RSU1: variants seen among roughly 807,000 people sequenced by gnomAD.
RSU1 encodes rsu-1.
In RSU1, 26 loss-of-function variants were observed where a neutral mutation model predicts 31.1. The ratio of observed to expected loss-of-function variants is 0.84; its 90% CI spans 0.61 to 1.16. RSU1 has a LOEUF of 1.16. Among genes scored for constraint, RSU1 ranks in the 50% most tolerant of loss-of-function variants. The probability of loss-of-function intolerance (pLI) is 0.00; values close to 1 mark genes in which losing one functional copy is unlikely to be tolerated. For synonymous variants in RSU1, 164 were observed against 136.3 expected, an observed-to-expected ratio of 1.20 and a Z score of -1.41; for missense variants, 320 against 339.1, an observed-to-expected ratio of 0.94 and a Z score of 0.44.
At chr10:16,811,111 TAA>T (rs1206924452) in intron 2 of RSU1, among the ~76,000 whole-genome samples, 2 of 152,264 alleles carry the variant, frequency 1.3e-5, no homozygotes, top group East Asian at 3.9e-4. Context: ...TGTTTTTGTA[TAA>T]AGACACACAC....
At chr10:16,815,566 T>A (rs908843573) in intron 2 of RSU1, among the ~76,000 whole-genome samples, 9 of 152,204 alleles carry the variant, frequency 5.9e-5, no homozygotes, top group African/African-American at 2.2e-4. Context: ...ATTCCTCAAC[T>A]ATTTTTGAGC....
intron 8 of RSU1, among the ~76,000 whole-genome samples, chr10:16,610,828 C>T (rs1435507057): frequency 6.6e-6 from 1 of 152,076 alleles, no homozygotes; most frequent in Non-Finnish European, 1.5e-5. Context: ...GTGCCTGGTG[C>T]CAAAAAGGCT....
intron 7 of RSU1, among the ~76,000 whole-genome samples, chr10:16,740,531 G>C (rs551523680): frequency 6.6e-6 from 1 of 152,146 alleles, no homozygotes; most frequent in African/African-American, 2.4e-5. Context: ...AAGACATCCA[G>C]ATTGGAAAGG....
At chr10:16,609,021 T>C (rs1402728887) in intron 8 of RSU1, among the ~76,000 whole-genome samples, 2 of 151,778 alleles carry the variant, frequency 1.3e-5, no homozygotes, top group Non-Finnish European at 2.9e-5. Context: ...TTTGTAGAGA[T>C]AGGGCCTTGC....
chr10:16,707,005 T>A (rs1835919141), intron 7 of RSU1, among the ~76,000 whole-genome samples: 1 of 150,078 alleles, frequency 6.7e-6, no homozygotes, highest in African/African-American at 2.5e-5. Flanking sequence ...GTGTTATGTG[T>A]CTTTCTGTGT....
chr10:16,740,254 AAAAAT>A (rs1836724208), intron 7 of RSU1, among the ~76,000 whole-genome samples: 3 of 152,198 alleles, frequency 2.0e-5, no homozygotes, highest in Admixed American at 2.0e-4. Flanking sequence ...GGAAGATACA[AAAAAT>A]AAAAGCCACA....
chr10:16,722,293 A>C (rs200446622), intron 7 of RSU1, among the ~76,000 whole-genome samples: 1 of 152,186 alleles, frequency 6.6e-6, no homozygotes, highest in East Asian at 1.9e-4. Flanking sequence ...GGGTCTTGGA[A>C]CATATCCCAC....
Position 16,710,548 on chromosome 10 carries a change from T to C in RSU1, c.599-15393A>G, listed in dbSNP as rs115261693. The stretch of plus-strand genomic sequence containing the variant: ...AAATTTTACAAATACTCCCCACTTA[T>C]CAATTTTCTGGAATAGTTTGAGGAG... On this transcript the variant is annotated intron_variant, in intron 7 of 8. Transcript: ENST00000345264. Among the ~76,000 whole-genome samples the C allele has an allele frequency of 2.6e-3, 390 of 152,236 alleles. 1 individual carries two copies. Among genetic ancestry groups the C allele is most frequent in the African/African-American group, 9.0e-3 (374 of 41,510 alleles).
intron 8 of RSU1, among the ~76,000 whole-genome samples, chr10:16,599,173 A>G (rs1833672008): frequency 6.6e-6 from 1 of 152,218 alleles, no homozygotes; most frequent in Non-Finnish European, 1.5e-5. Context: ...GTGCCATTGA[A>G]AGACAACCTA....
intron 8 of RSU1, among the ~76,000 whole-genome samples, chr10:16,606,489 T>A (rs1270137318): frequency 6.6e-6 from 1 of 152,070 alleles, no homozygotes; most frequent in Non-Finnish European, 1.5e-5. Flanking sequence ...AGAATGAATT[T>A]TTATTATCAT....
At chr10:16,739,105 C>G (rs912388601) in intron 7 of RSU1, among the ~76,000 whole-genome samples, 5 of 152,120 alleles carry the variant, frequency 3.3e-5, no homozygotes, top group Non-Finnish European at 2.9e-5. Flanking sequence ...TTTATCCAGT[C>G]TATCATTGAT....
rs967591200 is a variant in RSU1 at position 16,610,627 on chromosome 10, A to G, written c.732-17131T>C. 3.3e-5 allele frequency among the ~76,000 whole-genome samples: 5 copies of G among 152,152 alleles called. No individual in the cohort carries two copies. In the East Asian group the frequency reaches 7.7e-4, roughly 23 times the overall value. Reference sequence around the variant, plus strand: ...CCATCACCCCCAGATGGGACTGTCTAGTTGCAGGAAAATAAGCTCAGGGCT... The same window carrying G: ...CCATCACCCCCAGATGGGACTGTCTGGTTGCAGGAAAATAAGCTCAGGGCT... On this transcript the variant is annotated intron_variant, in intron 8 of 8. Transcript: ENST00000345264.
chr10:16,603,345 C>G (rs1833745171), intron 8 of RSU1, among the ~76,000 whole-genome samples: 1 of 152,174 alleles, frequency 6.6e-6, no homozygotes, highest in Admixed American at 6.6e-5. Context: ...AATGAGGATT[C>G]TGGCAGAGCA....
chr10:16,800,443 G>A (rs1191058668), intron 2 of RSU1, among the ~76,000 whole-genome samples: 1 of 152,140 alleles, frequency 6.6e-6, no homozygotes, highest in African/African-American at 2.4e-5. Context: ...CAAAAATAAA[G>A]AGCGCCTCTG....
intron 8 of RSU1, among the ~76,000 whole-genome samples, chr10:16,667,050 C>CAAA (rs1023886055): frequency 2.0e-5 from 3 of 151,494 alleles, no homozygotes; most frequent in Non-Finnish European, 4.4e-5. Context: ...ACAACAACAA[C>CAAA]AACAAAAAAC....
rs1161835580 is a variant in RSU1, at chr10:16,700,929, C to T, written c.599-5774G>A. Among the ~76,000 whole-genome samples the T allele has an allele frequency of 3.3e-5, 5 of 152,070 alleles. No individual in the cohort carries two copies. The East Asian group carries it at 9.6e-4, about 29-fold the overall frequency. On this transcript the variant is annotated intron_variant, in intron 7 of 8. Coordinates refer to ENST00000345264, the MANE Select transcript of RSU1 (RefSeq NM_012425.4). ...GAGGATCTACCAAGCTTGCTATCAACCAATTTTTGAAAAAATACAGTAGAA... is the reference window on the plus strand; with the variant it reads ...GAGGATCTACCAAGCTTGCTATCAATCAATTTTTGAAAAAATACAGTAGAA...
chr10:16,765,180 G>A (rs1837289181), intron 3 of RSU1, among the ~76,000 whole-genome samples: 2 of 152,124 alleles, frequency 1.3e-5, no homozygotes, highest in African/African-American at 2.4e-5. Flanking sequence ...CTTCCGGGAT[G>A]ATGTACATTG....
intron 7 of RSU1, among the ~76,000 whole-genome samples, chr10:16,714,543 A>G (rs1836094076): frequency 6.6e-6 from 1 of 151,972 alleles, no homozygotes; most frequent in Admixed American, 6.6e-5. Context: ...TACGTGCAGG[A>G]GAGGTAATTG....
chr10:16,614,318 G>C (rs1833940278), intron 8 of RSU1, among the ~76,000 whole-genome samples: 1 of 151,906 alleles, frequency 6.6e-6, no homozygotes, highest in Non-Finnish European at 1.5e-5. Flanking sequence ...CAAAGCAATT[G>C]AACTCATGGA....
Sources: allele counts gnomAD v4.1 joint callset (sites outside exome capture counted in the v4.1 genomes callset), GRCh38; gene constraint gnomAD v4.1.1; transcripts MANE v1.5; gene names NCBI Gene and HGNC (gene_info 2026-07-23, HGNC 2026-07-21).